PEAK1: variants seen among roughly 807,000 people sequenced by gnomAD.
PEAK1 encodes the protein pseudopodium enriched atypical kinase 1.
PEAK1 carries 54 observed loss-of-function variants against 124.7 expected under a neutral mutation model. The observed-to-expected ratio is 0.43, with a 90% CI of 0.35 to 0.54. The LOEUF (loss-of-function observed/expected upper bound fraction) is 0.54, where lower values mean the gene tolerates loss of function less well. PEAK1 is among the 20% of genes least tolerant of loss of function. The probability of loss-of-function intolerance (pLI) is 0.01; values close to 1 mark genes in which losing one functional copy is unlikely to be tolerated. For missense variants in PEAK1, 2,046 were observed against 2,134.5 expected, an observed-to-expected ratio of 0.96 and a Z score of 0.82; for synonymous variants, 719 against 760.0, an observed-to-expected ratio of 0.95 and a Z score of 0.89.
chr15:77,127,881 A>G (rs532974210), intron 9 of PEAK1, among the ~76,000 whole-genome samples: 36 of 152,214 alleles, frequency 2.4e-4, no homozygotes, highest in African/African-American at 8.4e-4. Context: ...GGAGATTAAG[A>G]CCAGCCTGGC....
At chr15:77,251,196 T>C (rs1229387726) in intron 6 of PEAK1, among the ~76,000 whole-genome samples, 2 of 152,226 alleles carry the variant, frequency 1.3e-5, no homozygotes, top group African/African-American at 2.4e-5. Flanking sequence ...ATTGGAAATA[T>C]TTGAATCTTT....
At chr15:77,162,224 T>A (rs1365467462) in intron 7 of PEAK1, among the ~76,000 whole-genome samples, 4 of 152,076 alleles carry the variant, frequency 2.6e-5, no homozygotes, top group Non-Finnish European at 5.9e-5. Context: ...CTGGGTGCGG[T>A]GGCTCAAGCC....
chr15:77,258,562 T>A (rs1238067132), intron 5 of PEAK1, among the ~76,000 whole-genome samples: 4 of 152,186 alleles, frequency 2.6e-5, no homozygotes, highest in Non-Finnish European at 4.4e-5. Context: ...GCTTGTGATT[T>A]TGTACATTGA....
At chr15:77,130,803 G>C (rs2052790681) in intron 9 of PEAK1, among the ~76,000 whole-genome samples, 1 of 152,212 alleles carries the variant, frequency 6.6e-6, no homozygotes, top group African/African-American at 2.4e-5. Context: ...TCTGAAAGAG[G>C]AGGAAATTGA....
chr15:77,318,309 T>C (rs1394129518), intron 2 of PEAK1, among the ~76,000 whole-genome samples: 1 of 152,178 alleles, frequency 6.6e-6, no homozygotes, highest in African/African-American at 2.4e-5. Context: ...TGGTGAACAG[T>C]AGACAGGAGA....
chr15:77,400,443 G>A lies in PEAK1; in HGVS notation c.-666+19563C>T, dbSNP rs140740661. 7.3e-4 allele frequency among the ~76,000 whole-genome samples: 111 copies of A among 152,204 alleles called. 1 individual carries two copies. Among genetic ancestry groups the A allele is most frequent in the African/African-American group, 2.6e-3 (109 of 41,544 alleles). ...ATCAACAGAAACGGATAAAGAAAATGTGGTACATATACACAATGGAGTACT... is the reference window on the plus strand; with the variant it reads ...ATCAACAGAAACGGATAAAGAAAATATGGTACATATACACAATGGAGTACT... On this transcript the variant is annotated intron_variant, in intron 1 of 9. Transcript: ENST00000682557.
chr15:77,417,672 G>A, intron 1 of PEAK1: 1 of 985,398 alleles, frequency 1.0e-6, no homozygotes. Flanking sequence ...GATTTGGCAG[G>A]TATCAACACA....
At chr15:77,216,345 C>T (rs185777729) in intron 6 of PEAK1, among the ~76,000 whole-genome samples, 1 of 152,176 alleles carries the variant, frequency 6.6e-6, no homozygotes, top group East Asian at 1.9e-4. Flanking sequence ...TAAACTCATA[C>T]TAAGTTGTGA....
intron 2 of PEAK1, among the ~76,000 whole-genome samples, chr15:77,342,004 A>C (rs1305497153): frequency 6.6e-6 from 1 of 152,090 alleles, no homozygotes; most frequent in Non-Finnish European, 1.5e-5. Context: ...ATAATATTAC[A>C]CCTCAATGCA....
In PEAK1 at chr15:77,114,101, G is replaced by A. The variant is rs1345523870; in HGVS notation, c.*55C>T. ...GGAGTGAGCACTAGGGAGGGGAAGT[G>A]CATGGGTGACATGAAGAAGGTGAAG... On this transcript the variant is annotated 3_prime_UTR_variant, in exon 10 of 10. Coordinates refer to ENST00000682557, the MANE Select transcript of PEAK1 (RefSeq NM_001385026.1). 1 of 1,555,836 alleles carries A rather than the reference G, an allele frequency of 6.4e-7. No individual in the cohort carries two copies. The highest frequency in any genetic ancestry group is 8.8e-7 in the Non-Finnish European group (1 of 1,136,660).
rs541708009 is a variant in PEAK1 at position 77,402,139 on chromosome 15, T to C, written c.-666+17867A>G. 5 of 941,412 alleles carry C rather than the reference T, an allele frequency of 5.3e-6. No homozygotes were observed. The African/African-American group carries it at 9.7e-5, about 18-fold the overall frequency. 58.3% of individuals were successfully genotyped at this position (941,412 alleles called of 1,614,324 possible). On this transcript the variant is annotated intron_variant, in intron 1 of 9. Transcript: ENST00000682557. ...GTTTCAACCCGGGAGGCAGAGGTTG[T>C]AGTGAGCCAAGAGGGACACTCCACC...
At chr15:77,106,334 T>TGC (rs2050750838), downstream of PEAK1, 1 of 148,168 alleles carries the variant, frequency 6.7e-6, no homozygotes, top group Non-Finnish European at 1.5e-5. Context: ...CGTGTAAGTG[T>TGC]GCATTCATCT....
chr15:77,272,060 T>G (rs1189610265), intron 5 of PEAK1, among the ~76,000 whole-genome samples: 1 of 152,196 alleles, frequency 6.6e-6, no homozygotes, highest in Non-Finnish European at 1.5e-5. Flanking sequence ...ACAGATTATT[T>G]GAACTGAACG....
At chr15:77,409,987 G>C (rs1244944164) in intron 1 of PEAK1, among the ~76,000 whole-genome samples, 1 of 152,004 alleles carries the variant, frequency 6.6e-6, no homozygotes. Context: ...TAGAATTCTT[G>C]ACTATTCTTG....
rs142901367 is a variant in PEAK1, at chr15:77,348,930, C to T, written c.-603+16233G>A. On this transcript the variant is annotated intron_variant, in intron 2 of 9. Transcript: ENST00000682557. ...GTGCTGGGATTATAGGCATGACTTACCATGTATGGACTATGTCTCTTAAAA... is the reference window on the plus strand; with the variant it reads ...GTGCTGGGATTATAGGCATGACTTATCATGTATGGACTATGTCTCTTAAAA... 3,443 of 949,590 alleles carry T rather than the reference C, an allele frequency of 3.6e-3. 9 individuals carry two copies. Among genetic ancestry groups the T allele is most frequent in the South Asian group, 5.8e-3 (118 of 20,488 alleles). 58.8% of individuals were successfully genotyped at this position (949,590 alleles called of 1,614,324 possible). A position where few individuals can be genotyped will look rare whatever the true frequency, so the allele number is the denominator to read the frequency against.
intron 8 of PEAK1, 38 bp downstream of exon 8, chr15:77,158,465 C>G: frequency 6.3e-7 from 1 of 1,579,452 alleles, no homozygotes; most frequent in South Asian, 1.1e-5. Flanking sequence ...CAGAAAAAGG[C>G]AAAGTTTAAA....
At chr15:77,277,180 A>G (rs1426563983) in intron 5 of PEAK1, among the ~76,000 whole-genome samples, 2 of 152,196 alleles carry the variant, frequency 1.3e-5, no homozygotes, top group East Asian at 1.9e-4. Context: ...CTCAACTTAG[A>G]TGGATCTCAA....
chr15:77,348,575 A>C (rs2141411133), intron 2 of PEAK1: 1 of 970,984 alleles, frequency 1.0e-6, no homozygotes, highest in South Asian at 4.8e-5. Context: ...ACCAGCCCAG[A>C]GTTGAAAAAG....
chr15:77,270,099 G>A lies in PEAK1; in HGVS notation c.-275+13784C>T, dbSNP rs141074057. Among the ~76,000 whole-genome samples, 1,300 of 152,032 alleles carry A rather than the reference G, an allele frequency of 8.6e-3. 20 individuals carry two copies. The highest frequency in any genetic ancestry group is 0.03 in the African/African-American group (1,242 of 41,480). On this transcript the variant is annotated intron_variant, in intron 5 of 9. Transcript: ENST00000682557. Reference sequence around the variant, plus strand: ...ACTTCCAACTATGTGGTCAATTTTGGAATAAATTAGGTATTGATGGGACAT... The same window carrying A: ...ACTTCCAACTATGTGGTCAATTTTGAAATAAATTAGGTATTGATGGGACAT...
Sources: gnomAD v4.1 joint callset for allele counts (sites outside exome capture counted in the v4.1 genomes callset) on GRCh38, gnomAD v4.1.1 for gene constraint, MANE v1.5 for transcripts, NCBI Gene and HGNC (gene_info 2026-07-23, HGNC 2026-07-21) for gene names.